Variants in DIPK2A observed in about 807,000 individuals in gnomAD.
DIPK2A encodes the protein divergent protein kinase domain 2A.
A neutral mutation model predicts 39.0 loss-of-function variants in DIPK2A; 27 were observed. The ratio of observed to expected loss-of-function variants is 0.69; its 90% CI spans 0.51 to 0.96. The LOEUF is 0.96. Among genes scored for constraint, DIPK2A ranks in the 40% least tolerant of loss-of-function variants. The probability of loss-of-function intolerance (pLI) is 0.00; values close to 1 mark genes in which losing one functional copy is unlikely to be tolerated. For synonymous variants in DIPK2A, 298 were observed against 240.8 expected, an observed-to-expected ratio of 1.24 and a Z score of -2.20; for missense variants, 528 against 571.3, an observed-to-expected ratio of 0.92 and a Z score of 0.77.
rs1225834097 is a variant in DIPK2A, at chr3:143,989,587, A to G, written c.1039A>G (p.Lys347Glu). 3.1e-6 allele frequency: 5 copies of G among 1,614,222 alleles called. No homozygotes were observed. Among genetic ancestry groups the G allele is most frequent in the Non-Finnish European group, 4.2e-6 (5 of 1,180,032 alleles). Reference sequence around the variant, plus strand: ...TAAGGAGGCTTGCTTATCATTTTCAAAAGAAATTCTTTGTGCTCGTGCCAC... The same window carrying G: ...TAAGGAGGCTTGCTTATCATTTTCAGAAGAAATTCTTTGTGCTCGTGCCAC... ...CDKEACLSFS[K>E]EILCARATVD... The change falls in exon 3 of 3, where the codon AAA becomes GAA. Residue 347 changes from lysine (K) to glutamate (E), a missense_variant. By Grantham distance (56) the Lys-to-Glu change is moderately conservative (BLOSUM62 1). Transcript: ENST00000315691.
rs1284898328 is a variant in DIPK2A, at chr3:143,972,474, C to T, written c.142C>T (p.Arg48Cys). The T allele has an allele frequency of 1.2e-6, 2 of 1,605,618 alleles. No individual in the cohort carries two copies. The highest frequency in any genetic ancestry group is 1.7e-6 in the Non-Finnish European group (2 of 1,175,332). ...GCAGCGCAACGAACTGACCGACCGG[C>T]GCTTCCTGCAGCTCAATAAGTGCCC... ...SWQRNELTDR[R>C]FLQLNKCPAC... is the part of the protein sequence containing the mutation. Residue 48 changes from arginine to cysteine, a missense_variant, in exon 1 of 3, where the codon CGC (arginine) becomes TGC (cysteine). Arg to Cys is a radical substitution (Grantham distance 180). Around this residue, in one of 2 missense-constraint regions of DIPK2A, gnomAD observed 309 missense variants for 289.8 expected, o/e 1.07. Coordinates refer to ENST00000315691, the MANE Select transcript of DIPK2A (RefSeq NM_173552.5).
At chr3:143,982,015 A>G (rs183092654) in intron 1 of DIPK2A, among the ~76,000 whole-genome samples, 1 of 152,356 alleles carries the variant, frequency 6.6e-6, no homozygotes, top group Non-Finnish European at 1.5e-5. Context: ...TTATTTCAGC[A>G]TTTGGAATTT....
At chr3:143,985,508 G>A in intron 1 of DIPK2A, 35 bp from the exon 2 acceptor site, 1 of 1,562,062 alleles carries the variant, frequency 6.4e-7, no homozygotes, top group Non-Finnish European at 8.8e-7. Flanking sequence ...ATTTTCATCA[G>A]AATCTCTTGT....
At chr3:143,974,298 T>A (rs2087700357) in intron 1 of DIPK2A, among the ~76,000 whole-genome samples, 2 of 152,164 alleles carry the variant, frequency 1.3e-5, no homozygotes. Flanking sequence ...AACTTTAGTG[T>A]GGGTCTTAGT....
intron 1 of DIPK2A, among the ~76,000 whole-genome samples, chr3:143,985,243 G>C (rs1235695111): frequency 6.6e-6 from 1 of 152,186 alleles, no homozygotes; most frequent in Non-Finnish European, 1.5e-5. Context: ...AATACTTTTA[G>C]ATTTGGTAAT....
chr3:143,978,667 TAGATATATATATATCTA>T (rs1559854285), intron 1 of DIPK2A: 1 of 42,668 alleles, frequency 2.3e-5, no homozygotes, highest in African/African-American at 1.4e-4. Context: ...TATCTATATA[TAGATATATATATATCTA>T]TATATATATA....
In DIPK2A at chr3:143,977,178, A is replaced by G. The variant is rs563492727; in HGVS notation, c.657+4189A>G. On this transcript the variant is annotated intron_variant, in intron 1 of 2. Transcript: ENST00000315691. ...AAATGTAGTTTTTGAAGTAAACAAA[A>G]GATTATTTAGCTAACGGTACTTTAG... Among the ~76,000 whole-genome samples the G allele has an allele frequency of 2.0e-5, 3 of 152,200 alleles. No homozygotes were observed. In the East Asian group the frequency reaches 5.8e-4, roughly 29 times the overall value.
chr3:143,973,137 G>A (rs1441489698), intron 1 of DIPK2A, 148 bp downstream of exon 1: 1 of 1,172,164 alleles, frequency 8.5e-7, no homozygotes, highest in Non-Finnish European at 1.2e-6. Flanking sequence ...GCGTCTCCGG[G>A]GGAGCCCCGG....
At position 143,973,028 on chromosome 3, in the gene DIPK2A, GC is replaced by G; in HGVS notation, c.657+41del. The G allele has an allele frequency of 2.6e-6, 4 of 1,540,692 alleles. No homozygotes were observed. In the South Asian group the frequency reaches 4.7e-5, roughly 18 times the overall value. On this transcript the variant is annotated intron_variant, in intron 1 of 2. Transcript: ENST00000315691. ...CAGGGCAGGGGGCGTCCTGGGAGGG[GC>G]CGCGCGTGGGAATCAGAGTCGGGAG...
In DIPK2A at chr3:143,990,932, A is replaced by G. The variant is rs1290069885; in HGVS notation, c.*1091A>G. 1 of 152,394 alleles carries G rather than the reference A, an allele frequency of 6.6e-6. No individual in the cohort carries two copies. Among genetic ancestry groups the G allele is most frequent in the Non-Finnish European group, 1.5e-5 (1 of 68,000 alleles). The allele number at this position is 152,394 out of a possible 1,614,324, so 9.4% of individuals were successfully genotyped here. On this transcript the variant is annotated 3_prime_UTR_variant, in exon 3 of 3. Transcript: ENST00000315691. ...GTTATCCTACCTTTTATTCATGGGTAGTTTTGCAAAATTAACATGGTAGCC... is the reference window on the plus strand; with the variant it reads ...GTTATCCTACCTTTTATTCATGGGTGGTTTTGCAAAATTAACATGGTAGCC...
Position 143,989,714 on chromosome 3 carries a change from T to C in DIPK2A, c.1166T>C (p.Ile389Thr), listed in dbSNP as rs1170086949. 4.3e-6 allele frequency: 7 copies of C among 1,614,240 alleles called. No individual in the cohort carries two copies. The highest frequency in any genetic ancestry group is 5.9e-6 in the Non-Finnish European group (7 of 1,180,048). ...GGLLHDPPSEIAKDGRLEALL... is the reference protein window; with the variant it reads ...GGLLHDPPSETAKDGRLEALL... ...CTCCTTCATGATCCACCAAGTGAAATTGCCAAAGATGGCCGGCTCGAGGCC... is the reference window on the plus strand; with the variant it reads ...CTCCTTCATGATCCACCAAGTGAAACTGCCAAAGATGGCCGGCTCGAGGCC... The change falls in exon 3 of 3, where the codon ATT becomes ACT. Residue 389 changes from isoleucine to threonine, a missense_variant. Around this residue, in one of 2 missense-constraint regions of DIPK2A, gnomAD observed 219 missense variants for 281.5 expected, o/e 0.78. Coordinates refer to ENST00000315691, the MANE Select transcript of DIPK2A (RefSeq NM_173552.5).
At chr3:143,979,706 G>C (rs1156792603) in intron 1 of DIPK2A, among the ~76,000 whole-genome samples, 2 of 151,780 alleles carry the variant, frequency 1.3e-5, no homozygotes, top group South Asian at 4.2e-4. Flanking sequence ...TTTTTTTGGT[G>C]GGGGCAGCAT....
intron 1 of DIPK2A, chr3:143,973,221 C>A: frequency 9.2e-7 from 1 of 1,090,460 alleles, no homozygotes; most frequent in Non-Finnish European, 1.3e-6. Context: ...GGGCGCATTT[C>A]GGATTTGACT....
rs2087689468 is a variant in DIPK2A, at chr3:143,973,623, G to A, written c.657+634G>A. 7 of 1,347,380 alleles carry A rather than the reference G, an allele frequency of 5.2e-6. No individual in the cohort carries two copies. In the East Asian group the frequency reaches 1.8e-4, roughly 34 times the overall value. The allele number at this position is 1,347,380 out of a possible 1,614,324, so 83.5% of individuals were successfully genotyped here. Reference sequence around the variant, plus strand: ...TTAGAATCAGAAACAGGAAAAGTAAGGCAGCGTTGGACTTGGGGCTGGGAG... The same window carrying A: ...TTAGAATCAGAAACAGGAAAAGTAAAGCAGCGTTGGACTTGGGGCTGGGAG... On this transcript the variant is annotated intron_variant, in intron 1 of 2. Transcript: ENST00000315691.
chr3:143,986,696 G>A (rs1191905782), intron 2 of DIPK2A, among the ~76,000 whole-genome samples: 1 of 144,172 alleles, frequency 6.9e-6, no homozygotes, highest in Non-Finnish European at 1.5e-5. Context: ...CTGCACTCCA[G>A]CCTGGGCAAC....
At position 143,985,585 on chromosome 3, in the gene DIPK2A, G is replaced by A. The variant is rs1453801698; in HGVS notation, c.700G>A (p.Gly234Arg). Residue 234 changes from glycine (G) to arginine (R), a missense_variant, in exon 2 of 3, where the codon GGA (glycine) becomes AGA (arginine). Coordinates refer to ENST00000315691, the MANE Select transcript of DIPK2A (RefSeq NM_173552.5). ...AGGTTGGCCATTTGCAAAGTATCTT[G>A]GAGCTTGTGGAAGAATGGTGGCTGT... ...DEGWPFAKYL[G>R]ACGRMVAVNY... is the part of the protein sequence containing the mutation. 1.2e-6 allele frequency: 2 copies of A among 1,614,040 alleles called. No homozygotes were observed. The highest frequency in any genetic ancestry group is 1.7e-6 in the Non-Finnish European group (2 of 1,179,998).
rs374340135 is a variant in DIPK2A, at chr3:143,972,420, C to T, written c.88C>T (p.Leu30=). Reference sequence around the variant, plus strand: ...GGGCAGCCTGTTGGTGCTGATGGTGCTGCACTCGCCGTCGCTGCTCGCCTC... The same window carrying T: ...GGGCAGCCTGTTGGTGCTGATGGTGTTGCACTCGCCGTCGCTGCTCGCCTC... The part of the protein sequence containing the change: ...ALGSLLVLMV[L]HSPSLLASWQ... The change falls in exon 1 of 3, where the codon CTG becomes TTG. Residue 30 remains leucine (L), a synonymous_variant. Coordinates refer to ENST00000315691, the MANE Select transcript of DIPK2A (RefSeq NM_173552.5). The T allele has an allele frequency of 3.9e-6, 6 of 1,553,534 alleles. No homozygotes were observed. The Admixed American group carries it at 7.3e-5, about 19-fold the overall frequency.
intron 1 of DIPK2A, among the ~76,000 whole-genome samples, chr3:143,984,055 C>G (rs1421606007): frequency 6.6e-6 from 1 of 152,192 alleles, no homozygotes; most frequent in African/African-American, 2.4e-5. Context: ...CTGCATTAAC[C>G]AGCCTCTGCT....
chr3:143,971,798 C>T (rs1033643061), upstream of DIPK2A: 4 of 152,232 alleles, frequency 2.6e-5, no homozygotes, highest in Admixed American at 6.5e-5. Context: ...GGCTCCCCTT[C>T]TTGGTCTCAG....
Sources: gnomAD v4.1 joint callset for allele counts (sites outside exome capture counted in the v4.1 genomes callset) on GRCh38, gnomAD v4.1.1 for gene constraint, gnomAD v4.1.1 regional missense constraint, MANE v1.5 for transcripts, NCBI Gene and HGNC (gene_info 2026-07-23, HGNC 2026-07-21) for gene names.